The following STRN variants were observed in gnomAD, a reference collection of about 807,000 sequenced individuals.
STRN encodes the protein striatin.
STRN carries 53 observed loss-of-function variants against 96.3 expected under a neutral mutation model. That is an observed-to-expected ratio of 0.55 (90% CI 0.44 to 0.69). The LOEUF is 0.69. Ranked by LOEUF, STRN falls within the 30% of genes least tolerant of loss-of-function variation. The pLI is 0.00. For missense variants in STRN, 987 were observed against 963.9 expected, an observed-to-expected ratio of 1.02 and a Z score of -0.32; for synonymous variants, 428 against 355.9, an observed-to-expected ratio of 1.20 and a Z score of -2.28.
In STRN at chr2:36,855,273, T is replaced by C. The variant is rs1363723161; in HGVS notation, c.1917A>G (p.Thr639=). The C allele has an allele frequency of 6.2e-7, 1 of 1,613,932 alleles. No individual in the cohort carries two copies. Residue 639 remains threonine, a synonymous_variant, in exon 15 of 18, where the codon ACA becomes ACG. Transcript: ENST00000263918. ...HMVASFSKGY[T]SIFNMETQQR... ...GTTGTGTTTCCATGTTAAAAATGCT[T>C]GTATATCCCTTGCTGAATGATGCTA...
At chr2:36,916,273 A>AT in intron 2 of STRN, 122 bp from the exon 3 acceptor site, 3 of 773,864 alleles carry the variant, frequency 3.9e-6, no homozygotes, top group Admixed American at 2.6e-5. Context: ...TCAAAGGCTC[A>AT]TAGCTTTCCA....
At chr2:36,861,648 T>C (rs1295216562) in intron 12 of STRN, among the ~76,000 whole-genome samples, 1 of 152,050 alleles carries the variant, frequency 6.6e-6, no homozygotes, top group Non-Finnish European at 1.5e-5. Flanking sequence ...ATAAAAAGTA[T>C]GCCAATCTCT....
chr2:36,858,020 G>A lies in STRN; in HGVS notation c.1673C>T (p.Pro558Leu), dbSNP rs745831822. ...PNIDPYDSYDPSVLRGPLLGH... is the reference protein window; with the variant it reads ...PNIDPYDSYDLSVLRGPLLGH... The stretch of plus-strand genomic sequence containing the variant: ...TAGCAGAGGGCCTCGTAAAACAGAA[G>A]GATCTATACAAAACAGTAAAAATGC... Residue 558 changes from proline (P) to leucine (L), a missense_variant, in exon 14 of 18, where the codon CCT (proline) becomes CTT (leucine). By Grantham distance (98) the Pro-to-Leu change is moderately conservative. Coordinates refer to ENST00000263918, the MANE Select transcript of STRN (RefSeq NM_003162.4). The A allele has an allele frequency of 8.2e-6, 13 of 1,589,612 alleles. No homozygotes were observed. The East Asian group carries it at 1.4e-4, about 17-fold the overall frequency.
chr2:36,869,728 A>T lies in STRN; in HGVS notation c.1325T>A (p.Ile442Lys). The change falls in exon 11 of 18, where the codon ATA becomes AAA. Residue 442 changes from isoleucine (I) to lysine (K), a missense_variant and splice_region_variant. Transcript: ENST00000263918. The stretch of plus-strand genomic sequence containing the variant: ...CCTCAATGCATCTTTATTGTTTGCT[A>T]TCTATTAAAGAAACAAAACAAAGAT... ...ANEADSLTYDIANNKDALRKT... is the reference protein window; with the variant it reads ...ANEADSLTYDKANNKDALRKT... 6.3e-7 allele frequency: 1 copy of T among 1,583,882 alleles called. No individual in the cohort carries two copies. Among genetic ancestry groups the T allele is most frequent in the South Asian group, 1.2e-5 (1 of 85,018 alleles).
At chr2:36,919,494 C>A (rs1248937040) in intron 2 of STRN, among the ~76,000 whole-genome samples, 1 of 151,530 alleles carries the variant, frequency 6.6e-6, no homozygotes, top group Non-Finnish European at 1.5e-5. Flanking sequence ...AAAAAAAACA[C>A]ACACAGTGGG....
In STRN at chr2:36,839,074, GAAT is replaced by G. The variant is rs1667885821; in HGVS notation, c.*10379_*10381del. 6.6e-6 allele frequency among the ~76,000 whole-genome samples: 1 copy of G among 152,186 alleles called. No homozygotes were observed. The highest frequency in any genetic ancestry group is 2.1e-4 in the South Asian group (1 of 4,830). ...AATAACTGGGTATACACATTTGTAT[GAAT>G]AATTAGAAAGATACATATCAGGGAG... On this transcript the variant is annotated 3_prime_UTR_variant, in exon 18 of 18. Transcript: ENST00000263918.
chr2:36,849,458 A>G lies in STRN; in HGVS notation c.2341T>C (p.Ter781ArgextTer12). The G allele has an allele frequency of 6.2e-7, 1 of 1,613,992 alleles. No individual in the cohort carries two copies. The highest frequency in any genetic ancestry group is 8.5e-7 in the Non-Finnish European group (1 of 1,179,912). The stretch of plus-strand genomic sequence containing the variant: ...GAAGGTGAAGATGATGCATTGCGTC[A>G]TACAAAGACTTTAGCCAGTGCGTCA... ...GADALAKVFV[*>R] Residue 781 changes from the stop codon to arginine (R), a stop_lost, in exon 18 of 18, where the codon TGA becomes CGA. Transcript: ENST00000263918.
chr2:36,874,158 G>A (rs1175231466), intron 10 of STRN, among the ~76,000 whole-genome samples: 1 of 151,530 alleles, frequency 6.6e-6, no homozygotes, highest in Non-Finnish European at 1.5e-5. Context: ...CAGCTACATG[G>A]ATGGCTGAGG....
At chr2:36,856,588 T>C (rs1668346707) in intron 14 of STRN, among the ~76,000 whole-genome samples, 2 of 152,106 alleles carry the variant, frequency 1.3e-5, no homozygotes, top group South Asian at 4.1e-4. Context: ...AACTAATCTA[T>C]GATGAAAGAA....
intron 1 of STRN, among the ~76,000 whole-genome samples, chr2:36,930,772 C>G (rs1430721492): frequency 1.3e-5 from 2 of 152,070 alleles, no homozygotes; most frequent in African/African-American, 4.8e-5. Context: ...GTGGCTCAGG[C>G]CTGTAATCCT....
At chr2:36,866,046 G>C (rs531851548) in intron 12 of STRN, among the ~76,000 whole-genome samples, 2 of 152,126 alleles carry the variant, frequency 1.3e-5, no homozygotes, top group South Asian at 4.2e-4. Flanking sequence ...TAACTGTATG[G>C]TTTTGAGCAA....
chr2:36,879,721 A>T (rs1258403472), intron 9 of STRN, among the ~76,000 whole-genome samples: 2 of 152,208 alleles, frequency 1.3e-5, no homozygotes, highest in East Asian at 3.9e-4. Flanking sequence ...CTAGCTGCTA[A>T]AGGGGTAAAT....
chr2:36,962,804 G>A (rs533186967), intron 1 of STRN, among the ~76,000 whole-genome samples: 2 of 152,198 alleles, frequency 1.3e-5, no homozygotes, highest in South Asian at 2.1e-4. Flanking sequence ...CACCGCGCCC[G>A]GCCTCTCCTT....
In STRN at chr2:36,966,293, C is replaced by A; in HGVS notation, c.171G>T (p.Gln57His). 6.3e-7 allele frequency: 1 copy of A among 1,579,428 alleles called. No individual in the cohort carries two copies. The highest frequency in any genetic ancestry group is 8.6e-7 in the Non-Finnish European group (1 of 1,165,346). ...CCACCTCGAAGCGGGCCCACTCGTG[C>A]TGCAGGAAGTGCAGGATCCCCGGGA... is the stretch of plus-strand genomic sequence containing the variant. ...YSLPGILHFL[Q>H]HEWARFEVER... Residue 57 changes from glutamine to histidine, a missense_variant, in exon 1 of 18, where the codon CAG (glutamine) becomes CAT (histidine). Transcript: ENST00000263918.
At chr2:36,887,545 T>C (rs1236687245) in intron 7 of STRN, among the ~76,000 whole-genome samples, 1 of 151,962 alleles carries the variant, frequency 6.6e-6, no homozygotes, top group Non-Finnish European at 1.5e-5. Flanking sequence ...AAAGACTTTG[T>C]ATTAATTTAT....
intron 1 of STRN, among the ~76,000 whole-genome samples, chr2:36,948,837 A>G (rs1326338615): frequency 6.6e-6 from 1 of 152,254 alleles, no homozygotes; most frequent in Non-Finnish European, 1.5e-5. Flanking sequence ...GACTTGAGCT[A>G]AATTTGAATA....
chr2:36,941,462 G>A (rs1195311023), intron 1 of STRN, among the ~76,000 whole-genome samples: 5 of 151,938 alleles, frequency 3.3e-5, no homozygotes, highest in Non-Finnish European at 7.4e-5. Flanking sequence ...TTTATCATCT[G>A]AATTATTTCC....
At chr2:36,852,754 G>T (rs1572622038) in intron 15 of STRN, among the ~76,000 whole-genome samples, 1 of 152,138 alleles carries the variant, frequency 6.6e-6, no homozygotes, top group East Asian at 1.9e-4. Flanking sequence ...GCTAAAAATA[G>T]TCTAATCTTA....
chr2:36,929,118 G>T (rs182243844), intron 1 of STRN, among the ~76,000 whole-genome samples: 1 of 151,914 alleles, frequency 6.6e-6, no homozygotes. Context: ...TACTTTATAC[G>T]TATTTTTCAC....
Sources: gnomAD v4.1 joint callset for allele counts (sites outside exome capture counted in the v4.1 genomes callset) on GRCh38, gnomAD v4.1.1 for gene constraint, MANE v1.5 for transcripts, NCBI Gene and HGNC (gene_info 2026-07-23, HGNC 2026-07-21) for gene names.